AGR2: variants seen among roughly 807,000 people sequenced by gnomAD.
AGR2 encodes anterior gradient protein 2 homolog.
Under a neutral mutation model 25.9 loss-of-function variants are expected in AGR2, and 27 were observed. That is an observed-to-expected ratio of 1.04 (90% CI 0.77 to 1.44). The LOEUF (loss-of-function observed/expected upper bound fraction) is 1.44. Ranked by LOEUF, AGR2 falls within the 40% of genes most tolerant of loss-of-function variation. The pLI, the probability that AGR2 is intolerant of heterozygous loss-of-function variation, is 0.00. For missense variants in AGR2, 182 were observed against 200.9 expected, an observed-to-expected ratio of 0.91 and a Z score of 0.57; for synonymous variants, 78 against 72.0, an observed-to-expected ratio of 1.08 and a Z score of -0.42.
intron 5 of AGR2, among the ~76,000 whole-genome samples, chr7:16,798,685 T>C (rs1204921572): frequency 6.6e-6 from 1 of 152,150 alleles, no homozygotes; most frequent in Non-Finnish European, 1.5e-5. Context: ...GAAAGAGGCT[T>C]ACTAAAATAG....
At chr7:16,794,744 TA>T (rs754294840) in intron 7 of AGR2, 191 bp downstream of exon 7, 18 of 1,410,300 alleles carry the variant, frequency 1.3e-5, no homozygotes, top group Non-Finnish European at 1.6e-5. Flanking sequence ...CAATTGAGAT[TA>T]AAAACAAACA....
intron 7 of AGR2, among the ~76,000 whole-genome samples, chr7:16,793,446 G>C (rs977786742): frequency 6.6e-6 from 1 of 152,252 alleles, no homozygotes; most frequent in Middle Eastern, 3.4e-3. Flanking sequence ...TAGTTTTCTA[G>C]TGTAGTCATT....
At chr7:16,801,505 G>A (rs1785143587) in intron 2 of AGR2, 122 bp from the exon 3 acceptor site, 1 of 1,334,394 alleles carries the variant, frequency 7.5e-7, no homozygotes, top group African/African-American at 1.5e-5. Context: ...AACCCCTGGA[G>A]AAAGTAGAAA....
At chr7:16,795,318 G>GTTTTTTT (rs76582218) in intron 6 of AGR2, among the ~76,000 whole-genome samples, 14 of 139,160 alleles carry the variant, frequency 1.0e-4, no homozygotes, top group African/African-American at 3.6e-4. Flanking sequence ...GTGACATGGT[G>GTTTTTTT]TTTTTTTTTT....
chr7:16,804,867 A>G (rs1250801603), intron 1 of AGR2, 68 bp downstream of exon 1: 1 of 152,236 alleles, frequency 6.6e-6, no homozygotes, highest in Non-Finnish European at 1.5e-5. Flanking sequence ...CTACAACTTT[A>G]TATAGCAATC....
intron 5 of AGR2, 124 bp from the exon 6 acceptor site, chr7:16,797,818 G>C (rs1785075567): frequency 1.4e-6 from 1 of 699,448 alleles, no homozygotes; most frequent in South Asian, 1.8e-5. Flanking sequence ...CTTCCACACA[G>C]AGTTTATTGT....
chr7:16,796,991 G>C (rs532942039), intron 6 of AGR2, among the ~76,000 whole-genome samples: 1 of 151,506 alleles, frequency 6.6e-6, no homozygotes, highest in Non-Finnish European at 1.5e-5. Flanking sequence ...GTGCCATCTC[G>C]GCTCACTGCA....
At chr7:16,798,729 A>T (rs1246257769) in intron 5 of AGR2, among the ~76,000 whole-genome samples, 1 of 152,212 alleles carries the variant, frequency 6.6e-6, no homozygotes, top group Non-Finnish European at 1.5e-5. Context: ...GACTAGTAGC[A>T]GGAATACTTG....
chr7:16,804,331 G>A (rs188187205), intron 1 of AGR2, among the ~76,000 whole-genome samples: 73 of 151,268 alleles, frequency 4.8e-4, no homozygotes, highest in Non-Finnish European at 6.6e-4. Flanking sequence ...ACTCATCACC[G>A]TATCCCTGTC....
At chr7:16,800,458 A>G (rs376974468) in intron 4 of AGR2, among the ~76,000 whole-genome samples, 6 of 152,224 alleles carry the variant, frequency 3.9e-5, no homozygotes, top group African/African-American at 1.4e-4. Flanking sequence ...AGGGAGAGAT[A>G]GCCATTGGCC....
chr7:16,793,994 G>A (rs1424636212), intron 7 of AGR2, among the ~76,000 whole-genome samples: 2 of 152,182 alleles, frequency 1.3e-5, no homozygotes, highest in Non-Finnish European at 2.9e-5. Flanking sequence ...AAAATGTATG[G>A]TATTATCTCA....
intron 7 of AGR2, chr7:16,794,525 G>T: frequency 3.1e-6 from 1 of 323,810 alleles, no homozygotes; most frequent in Non-Finnish European, 5.6e-6. Flanking sequence ...TCTTTAAACT[G>T]AACCTGAATT....
intron 4 of AGR2, 21 bp from the exon 5 acceptor site, chr7:16,799,838 A>G (rs968086921): frequency 1.3e-6 from 2 of 1,515,090 alleles, no homozygotes; most frequent in Non-Finnish European, 1.8e-6. Context: ...AAGAAAAATC[A>G]TTAAGCATCC....
intron 6 of AGR2, among the ~76,000 whole-genome samples, chr7:16,795,304 A>G (rs1785026140): frequency 1.4e-5 from 2 of 147,952 alleles, no homozygotes; most frequent in African/African-American, 5.1e-5. Flanking sequence ...ATATATATTT[A>G]GGGGTGACAT....
intron 6 of AGR2, among the ~76,000 whole-genome samples, chr7:16,797,337 A>G (rs1226676099): frequency 2.6e-5 from 4 of 152,246 alleles, no homozygotes; most frequent in Non-Finnish European, 1.5e-5. Flanking sequence ...TATTCAGGAA[A>G]TTTATCAATA....
chr7:16,801,462 G>T, intron 2 of AGR2, 79 bp from the exon 3 acceptor site: 1 of 1,385,102 alleles, frequency 7.2e-7, no homozygotes, highest in Non-Finnish European at 1.0e-6. Context: ...GGTAAAGACT[G>T]GGATAATAGA....
intron 1 of AGR2, 104 bp from the exon 2 acceptor site, chr7:16,801,907 CTGCTGAGACT>C: frequency 1.1e-6 from 1 of 920,730 alleles, no homozygotes. Flanking sequence ...AACTGAGGCT[CTGCTGAGACT>C]GGACATACGA....
rs780213970 is a variant in AGR2 at position 16,801,628 on chromosome 7, G to A, written c.139+30C>T. 15 of 1,613,474 alleles carry A rather than the reference G, an allele frequency of 9.3e-6. No individual in the cohort carries two copies. In the South Asian group the frequency reaches 1.6e-4, roughly 18 times the overall value. ...GGAAATCTTTTCCAATTAAGTAGCAGTTGGAAGCCAACAAGAAGCTGACTC... is the reference window on the plus strand; with the variant it reads ...GGAAATCTTTTCCAATTAAGTAGCAATTGGAAGCCAACAAGAAGCTGACTC... On this transcript the variant is annotated intron_variant, in intron 2 of 7. Coordinates refer to ENST00000419304, the MANE Select transcript of AGR2 (RefSeq NM_006408.4).
chr7:16,801,479 A>T, intron 2 of AGR2, 96 bp from the exon 3 acceptor site: 1 of 1,339,498 alleles, frequency 7.5e-7, no homozygotes, highest in Non-Finnish European at 1.1e-6. Flanking sequence ...TAGACCCTAT[A>T]CTAAAGAAGA....
Sources: gnomAD v4.1 joint callset for allele counts (sites outside exome capture counted in the v4.1 genomes callset) on GRCh38, gnomAD v4.1.1 for gene constraint, MANE v1.5 for transcripts, NCBI Gene and HGNC (gene_info 2026-07-23, HGNC 2026-07-21) for gene names.